GALNT13: variants seen among roughly 807,000 people sequenced by gnomAD.
GALNT13 encodes polypeptide N-acetylgalactosaminyltransferase 13, also known as UDP-GalNAc:polypeptide N-acetylgalactosaminyltransferase 13.
Under a neutral mutation model 64.2 loss-of-function variants are expected in GALNT13, and 28 were observed. The observed-to-expected ratio is 0.44, with a 90% CI of 0.32 to 0.60. The LOEUF (loss-of-function observed/expected upper bound fraction) is 0.60. GALNT13 is among the 20% of genes least tolerant of loss of function. The pLI is 0.05. For missense variants in GALNT13, 577 were observed against 669.8 expected (o/e 0.86, Z 1.53); for synonymous variants, 214 against 224.6 (o/e 0.95, Z 0.42).
At chr2:154,227,017 G>C (rs1688653279) in intron 4 of GALNT13, among the ~76,000 whole-genome samples, 1 of 152,066 alleles carries the variant, frequency 6.6e-6, no homozygotes, top group East Asian at 1.9e-4. Flanking sequence ...CAAATAAAGT[G>C]CAATTATCTG....
At chr2:153,853,745 A>T in the GALNT13 span, among the ~76,000 whole-genome samples, 6 of 150,000 alleles carry the variant, frequency 4.0e-5, no homozygotes, top group African/African-American at 1.2e-4. Flanking sequence ...ACAATTGTAT[A>T]ATATAATTAT....
intron 2 of GALNT13, among the ~76,000 whole-genome samples, chr2:153,915,329 C>A (rs1486087802): frequency 2.6e-5 from 4 of 152,108 alleles, no homozygotes; most frequent in African/African-American, 9.7e-5. Flanking sequence ...TCTCACTGGT[C>A]TCTACTCTGG....
intron 4 of GALNT13, among the ~76,000 whole-genome samples, chr2:154,180,601 A>C (rs1188875991): frequency 1.3e-5 from 2 of 152,128 alleles, no homozygotes; most frequent in African/African-American, 4.8e-5. Flanking sequence ...CATGTATAAG[A>C]ATTCTAAAAA....
chr2:153,564,198 A>G, the GALNT13 span, among the ~76,000 whole-genome samples: 1 of 129,950 alleles, frequency 7.7e-6, no homozygotes, highest in Admixed American at 7.3e-5. Flanking sequence ...TTTTTTATAT[A>G]TATATTTTTT....
chr2:154,154,863 A>G (rs569399676), intron 4 of GALNT13, among the ~76,000 whole-genome samples: 136 of 151,926 alleles, frequency 9.0e-4, no homozygotes, highest in African/African-American at 2.9e-3. Flanking sequence ...GATATAAGGG[A>G]AGTCAAAATA....
chr2:154,297,338 CAGAG>C (rs1162516968), intron 8 of GALNT13, among the ~76,000 whole-genome samples: 3 of 152,100 alleles, frequency 2.0e-5, no homozygotes, highest in African/African-American at 7.2e-5. Flanking sequence ...GCCGCGGAAA[CAGAG>C]AGAGGGCTCC....
At chr2:153,345,689 T>TTCTC in the GALNT13 span, among the ~76,000 whole-genome samples, 1 of 137,616 alleles carries the variant, frequency 7.3e-6, no homozygotes, top group African/African-American at 2.7e-5. Context: ...CTTTCTTTCT[T>TTCTC]TCTTTCTTTC....
intron 3 of GALNT13, among the ~76,000 whole-genome samples, chr2:154,042,004 A>G (rs1699009944): frequency 7.1e-6 from 1 of 140,502 alleles, no homozygotes; most frequent in African/African-American, 2.4e-5. Context: ...TGTTTAGTAT[A>G]TTTATTGAAT....
the GALNT13 span, among the ~76,000 whole-genome samples, chr2:153,378,255 TATAGATAG>T: frequency 0.21 from 30,527 of 143,458 alleles, 3,218 homozygotes; most frequent in Non-Finnish European, 0.23. Context: ...TTTAGAACAT[TATAGATAG>T]ATAGATAGAT....
intron 11 of GALNT13, among the ~76,000 whole-genome samples, chr2:154,432,079 A>G (rs1451473396): frequency 6.6e-6 from 1 of 152,240 alleles, no homozygotes; most frequent in Non-Finnish European, 1.5e-5. Flanking sequence ...AGTATCATCC[A>G]TTATAGATAG....
the GALNT13 span, among the ~76,000 whole-genome samples, chr2:153,374,384 C>T: frequency 6.6e-6 from 1 of 151,968 alleles, no homozygotes; most frequent in Non-Finnish European, 1.5e-5. Context: ...GATATATATT[C>T]TTTGGAGAAA....
chr2:153,463,607 C>T, the GALNT13 span, among the ~76,000 whole-genome samples: 6 of 152,004 alleles, frequency 3.9e-5, no homozygotes, highest in African/African-American at 1.4e-4. Flanking sequence ...GAAACCTAGG[C>T]TCAAAAGCAT....
In GALNT13 at chr2:154,338,549, A is replaced by G. The variant is rs1414332706; in HGVS notation, c.1156+36960A>G. ...GATTCCTGGAAACAGGAGGCATGACACACCATGCAGGGCCACATGAGGCAG... is the reference window on the plus strand; with the variant it reads ...GATTCCTGGAAACAGGAGGCATGACGCACCATGCAGGGCCACATGAGGCAG... On this transcript the variant is annotated intron_variant, in intron 9 of 12. Coordinates refer to ENST00000392825, the MANE Select transcript of GALNT13 (RefSeq NM_052917.4). Among the ~76,000 whole-genome samples, 5 of 152,124 alleles carry G rather than the reference A, an allele frequency of 3.3e-5. No homozygotes were observed. In the East Asian group the frequency reaches 7.8e-4, roughly 24 times the overall value.
At chr2:154,050,385 T>C (rs1699530969) in intron 3 of GALNT13, among the ~76,000 whole-genome samples, 1 of 152,236 alleles carries the variant, frequency 6.6e-6, no homozygotes, top group African/African-American at 2.4e-5. Context: ...GCTCTCATGC[T>C]ACATCACAGT....
the GALNT13 span, among the ~76,000 whole-genome samples, chr2:153,167,818 A>G: frequency 2.0e-5 from 3 of 152,226 alleles, no homozygotes; most frequent in East Asian, 5.8e-4. Context: ...CTTTTTTAGA[A>G]GAAAGATTTC....
chr2:153,985,983 A>C (rs986662712), intron 3 of GALNT13, among the ~76,000 whole-genome samples: 1 of 152,070 alleles, frequency 6.6e-6, no homozygotes, highest in Non-Finnish European at 1.5e-5. Context: ...GGTAGTTCTG[A>C]AACTGGCCCT....
At chr2:154,392,214 G>A (rs1305491382) in intron 9 of GALNT13, among the ~76,000 whole-genome samples, 1 of 152,172 alleles carries the variant, frequency 6.6e-6, no homozygotes, top group African/African-American at 2.4e-5. Context: ...TATTTACAGG[G>A]AAGAAGGCTT....
chr2:154,063,079 G>A (rs1700277881), intron 3 of GALNT13, among the ~76,000 whole-genome samples: 1 of 152,002 alleles, frequency 6.6e-6, no homozygotes, highest in Non-Finnish European at 1.5e-5. Flanking sequence ...GGGTGTTGGG[G>A]AGAGGAAAGA....
At chr2:153,793,847 A>G in the GALNT13 span, among the ~76,000 whole-genome samples, 3 of 152,312 alleles carry the variant, frequency 2.0e-5, no homozygotes, top group African/African-American at 4.8e-5. Context: ...TGCAAGCAAA[A>G]TAGAAACACA....
Sources: gnomAD v4.1 joint callset for allele counts (sites outside exome capture counted in the v4.1 genomes callset) on GRCh38, gnomAD v4.1.1 for gene constraint, MANE v1.5 for transcripts, NCBI Gene and HGNC (gene_info 2026-07-23, HGNC 2026-07-21) for gene names.